The following CC2D2B variants were observed in gnomAD, a reference collection of about 807,000 sequenced individuals.
CC2D2B encodes the protein protein CC2D2B.
CC2D2B carries 128 observed loss-of-function variants against 161.2 expected under a neutral mutation model. The observed-to-expected ratio is 0.79, with a 90% CI of 0.69 to 0.92. The LOEUF (loss-of-function observed/expected upper bound fraction) is 0.92. Ranked by LOEUF, CC2D2B falls within the 40% of genes least tolerant of loss-of-function variation. CC2D2B has a pLI of 0.00. For missense variants in CC2D2B, 1,173 were observed against 1,375.1 expected (o/e 0.85, Z 2.32); for synonymous variants, 391 against 449.8 (o/e 0.87, Z 1.65).
chr10:96,023,388 T>G (rs1470388824), intron 32 of CC2D2B, among the ~76,000 whole-genome samples: 1 of 152,222 alleles, frequency 6.6e-6, no homozygotes, highest in African/African-American at 2.4e-5. Context: ...ATGTGGGTAC[T>G]CAGAAGTGGT....
chr10:96,000,612 C>T (rs1249822765), intron 24 of CC2D2B, among the ~76,000 whole-genome samples: 1 of 152,172 alleles, frequency 6.6e-6, no homozygotes, highest in Non-Finnish European at 1.5e-5. Context: ...GATCCTCCCG[C>T]CTCGGCCTCC....
At chr10:95,997,650 A>C (rs1346836042) in intron 24 of CC2D2B, among the ~76,000 whole-genome samples, 1 of 152,210 alleles carries the variant, frequency 6.6e-6, no homozygotes, top group Non-Finnish European at 1.5e-5. Context: ...GGCCTCCCAG[A>C]GTGCTGGGAT....
chr10:95,947,081 A>AT lies in CC2D2B; in HGVS notation c.802-2815_802-2814insT, dbSNP rs1487161266. On this transcript the variant is annotated intron_variant, in intron 9 of 34. Transcript: ENST00000646931. ...CATAAATTCCAAATAGTGGACTCAA[A>AT]AATATATATATATATATATATATAT... Among the ~76,000 whole-genome samples, 125 of 44,950 alleles carry AT rather than the reference A, an allele frequency of 2.8e-3. 4 individuals carry two copies. Among genetic ancestry groups the AT allele is most frequent in the Admixed American group, 4.3e-3 (15 of 3,486 alleles). 29.5% of individuals were successfully genotyped at this position (44,950 alleles called of 152,430 possible). A position where few individuals can be genotyped will look rare whatever the true frequency, so the allele number is the denominator to read the frequency against.
rs756343297 is a variant in CC2D2B at position 96,004,256 on chromosome 10, A to G, written c.2946+8A>G. 5 of 1,340,302 alleles carry G rather than the reference A, an allele frequency of 3.7e-6. No homozygotes were observed. In the East Asian group the frequency reaches 1.0e-4, roughly 27 times the overall value. The allele number at this position is 1,340,302 out of a possible 1,614,324, so 83.0% of individuals were successfully genotyped here. A position where few individuals can be genotyped will look rare whatever the true frequency, so the allele number is the denominator to read the frequency against. ...ATGACTGAAAAACATGAGGTAAAGT[A>G]GAATAATTACAATAGCCAATGCTGA... is the stretch of plus-strand genomic sequence containing the variant. On this transcript the variant is annotated splice_region_variant and intron_variant, in intron 25 of 34. Transcript: ENST00000646931.
intron 6 of CC2D2B, among the ~76,000 whole-genome samples, chr10:95,929,331 C>A (rs1590390102): frequency 6.6e-6 from 1 of 152,106 alleles, no homozygotes; most frequent in East Asian, 1.9e-4. Context: ...AAAATTTTCT[C>A]CCATTCTGTA....
At chr10:95,981,175 C>CCT (rs2077507683) in intron 17 of CC2D2B, among the ~76,000 whole-genome samples, 1 of 152,094 alleles carries the variant, frequency 6.6e-6, no homozygotes, top group Non-Finnish European at 1.5e-5. Context: ...GGGCGGATCA[C>CCT]AAGGTCAGGA....
chr10:95,983,719 A>G lies in CC2D2B; in HGVS notation c.2196A>G (p.Leu732=). The G allele has an allele frequency of 8.1e-7, 1 of 1,230,856 alleles. No homozygotes were observed. The highest frequency in any genetic ancestry group is 1.0e-6 in the Non-Finnish European group (1 of 986,884). 76.2% of individuals were successfully genotyped at this position (1,230,856 alleles called of 1,614,324 possible). ...EEMAKSKRFQ[L]LQLRNAGQLD... ...TGGCAAAGAGTAAACGTTTCCAGCT[A>G]TTGCAACTTAGAAATGCAGGTCAAT... Residue 732 remains leucine, a synonymous_variant, in exon 19 of 35, where the codon CTA becomes CTG. Coordinates refer to ENST00000646931, the MANE Select transcript of CC2D2B (RefSeq NM_001349008.3).
chr10:95,914,463 T>G (rs1213425787), intron 2 of CC2D2B, among the ~76,000 whole-genome samples: 2 of 152,254 alleles, frequency 1.3e-5, no homozygotes, highest in East Asian at 3.9e-4. Flanking sequence ...GTGATATGGT[T>G]TGGCCGTGTC....
chr10:95,963,301 A>G (rs2076830479), intron 12 of CC2D2B, among the ~76,000 whole-genome samples: 1 of 152,136 alleles, frequency 6.6e-6, no homozygotes, highest in Non-Finnish European at 1.5e-5. Context: ...ACCTCACAAC[A>G]TACCTGGTCC....
chr10:96,003,516 T>C (rs557297637), intron 24 of CC2D2B, among the ~76,000 whole-genome samples: 2 of 151,764 alleles, frequency 1.3e-5, no homozygotes, highest in Non-Finnish European at 2.9e-5. Context: ...CCTCCCGGGT[T>C]CAAGCGATTC....
chr10:95,933,591 G>A (rs2075690027), intron 6 of CC2D2B, among the ~76,000 whole-genome samples: 1 of 152,168 alleles, frequency 6.6e-6, no homozygotes, highest in Non-Finnish European at 1.5e-5. Context: ...TTTTGTTGAT[G>A]TTGATGCTAT....
intron 29 of CC2D2B, 43 bp from the exon 30 acceptor site, chr10:96,016,158 G>A (rs371727860): frequency 1.3e-5 from 18 of 1,343,960 alleles, no homozygotes; most frequent in East Asian, 2.3e-5. Flanking sequence ...CAACTTTCCC[G>A]CACTTTTCTT....
intron 19 of CC2D2B, among the ~76,000 whole-genome samples, chr10:95,987,333 A>AT (rs944163064): frequency 4.8e-4 from 73 of 152,226 alleles, no homozygotes; most frequent in African/African-American, 1.5e-3. Flanking sequence ...CAAAAAAAAA[A>AT]ATGTAAATAA....
intron 3 of CC2D2B, among the ~76,000 whole-genome samples, chr10:95,922,954 A>ATTT (rs11300333): frequency 7.0e-6 from 1 of 142,584 alleles, no homozygotes; most frequent in African/African-American, 2.6e-5. Flanking sequence ...CATGTATGTT[A>ATTT]TTTTTTTTTT....
intron 28 of CC2D2B, 129 bp from the exon 29 acceptor site, chr10:96,013,659 A>G: frequency 1.9e-6 from 1 of 534,506 alleles, no homozygotes; most frequent in Non-Finnish European, 3.3e-6. Flanking sequence ...CTCTTCTGTA[A>G]TACTAGAATA....
At chr10:95,928,747 T>TTA (rs74780063) in intron 6 of CC2D2B, among the ~76,000 whole-genome samples, 89,345 of 151,726 alleles carry the variant, frequency 0.59, 26,889 homozygotes, top group Admixed American at 0.66. Flanking sequence ...TCATCCTTTT[T>TTA]TGTCTCCATA....
chr10:96,031,887 C>A lies in CC2D2B; in HGVS notation c.4193C>A (p.Thr1398Asn). Residue 1398 changes from threonine to asparagine, a missense_variant, in exon 35 of 35, where the codon ACT becomes AAT. Thr to Asn is a moderately conservative substitution (Grantham distance 65, BLOSUM62 0). Coordinates refer to ENST00000646931, the MANE Select transcript of CC2D2B (RefSeq NM_001349008.3). ...TCAATTATTGATGCTGTTTATCAAA[C>A]TGGAATTCACTCTGCTGAATTTCCC... The part of the protein sequence containing the change: ...VQSIIDAVYQ[T>N]GIHSAEFPQT... 6.2e-7 allele frequency: 1 copy of A among 1,613,656 alleles called. No individual in the cohort carries two copies. Among genetic ancestry groups the A allele is most frequent in the Non-Finnish European group, 8.5e-7 (1 of 1,179,628 alleles).
In CC2D2B at chr10:95,924,344, C is replaced by A; in HGVS notation, c.128C>A (p.Ala43Glu). ...DLDAEENQNV[A>E]KTLRGKVREK... ...GATGCAGAAGAAAATCAAAATGTAG[C>A]AAAGACATTGAGAGGCAAAGTGAGA... Residue 43 changes from alanine (A) to glutamate (E), a missense_variant, in exon 4 of 35, where the codon GCA (alanine) becomes GAA (glutamate). Ala to Glu is a moderately radical substitution (Grantham distance 107). Around this residue, in one of 3 missense-constraint regions of CC2D2B, gnomAD observed 298 missense variants for 261.2 expected, o/e 1.14. Transcript: ENST00000646931. 1 of 1,519,164 alleles carries A rather than the reference C, an allele frequency of 6.6e-7. No homozygotes were observed. The highest frequency in any genetic ancestry group is 2.2e-5 in the Admixed American group (1 of 46,172). The allele number at this position is 1,519,164 out of a possible 1,614,324, so 94.1% of individuals were successfully genotyped here.
At chr10:95,928,871 T>C (rs918311353) in intron 6 of CC2D2B, among the ~76,000 whole-genome samples, 1 of 152,182 alleles carries the variant, frequency 6.6e-6, no homozygotes, top group African/African-American at 2.4e-5. Context: ...AACATACGTG[T>C]GCATGTGTCT....
Sources: gnomAD v4.1 joint callset for allele counts (sites outside exome capture counted in the v4.1 genomes callset) on GRCh38, gnomAD v4.1.1 for gene constraint, gnomAD v4.1.1 regional missense constraint, MANE v1.5 for transcripts, NCBI Gene and HGNC (gene_info 2026-07-23, HGNC 2026-07-21) for gene names.